The following TMEM132C variants were observed in gnomAD, a reference collection of about 807,000 sequenced individuals.
The protein encoded by TMEM132C is protein phosphatase 1, regulatory subunit 152.
TMEM132C carries 29 observed loss-of-function variants against 61.4 expected under a neutral mutation model. That is an observed-to-expected ratio of 0.47 (90% CI 0.35 to 0.64). TMEM132C has a LOEUF of 0.64. Among genes scored for constraint, TMEM132C ranks in the 30% least tolerant of loss-of-function variants. The pLI is 0.00. For synonymous variants in TMEM132C, 656 were observed against 633.1 expected (o/e 1.04, Z -0.54); for missense variants, 1,408 against 1,476.9 (o/e 0.95, Z 0.76).
In TMEM132C at chr12:128,415,692, T is replaced by C. The variant is rs1868758038; in HGVS notation, c.974+72T>C. On this transcript the variant is annotated intron_variant, in intron 2 of 8. Coordinates refer to ENST00000435159, the MANE Select transcript of TMEM132C (RefSeq NM_001136103.3). This position sits in a 1 kb window ranked among gnomAD's most constrained non-coding sequence, Gnocchi z 5.8. ...GAGACTGGGTTCCATGCGTGGCAGATAGATATTCAGGAAGCATCGATTTTC... is the reference window on the plus strand; with the variant it reads ...GAGACTGGGTTCCATGCGTGGCAGACAGATATTCAGGAAGCATCGATTTTC... The C allele has an allele frequency of 1.4e-6, 2 of 1,430,634 alleles. No homozygotes were observed. Among genetic ancestry groups the C allele is most frequent in the African/African-American group, 2.9e-5 (2 of 69,584 alleles). 88.6% of individuals were successfully genotyped at this position (1,430,634 alleles called of 1,614,324 possible). A position where few individuals can be genotyped will look rare whatever the true frequency, so the allele number is the denominator to read the frequency against.
At chr12:128,340,789 C>CTCTT (rs57723643) in intron 1 of TMEM132C, among the ~76,000 whole-genome samples, 17,157 of 130,654 alleles carry the variant, frequency 0.13, 3,123 homozygotes, top group African/African-American at 0.49. Flanking sequence ...CTTTCTCTCT[C>CTCTT]TCTCTCTCTC....
At chr12:128,450,875 G>A (rs1166051470) in intron 2 of TMEM132C, among the ~76,000 whole-genome samples, 7 of 152,100 alleles carry the variant, frequency 4.6e-5, no homozygotes, top group South Asian at 2.1e-4. Context: ...ATTAATTGGC[G>A]CATATGCCTC....
intron 2 of TMEM132C, among the ~76,000 whole-genome samples, chr12:128,539,773 TG>T (rs1873670736): frequency 2.0e-5 from 3 of 152,162 alleles, no homozygotes; most frequent in African/African-American, 7.2e-5. Flanking sequence ...TTCTTTCTGA[TG>T]GTTTTTTTCT....
chr12:128,348,668 C>T (rs910022740), intron 1 of TMEM132C, among the ~76,000 whole-genome samples: 1 of 152,208 alleles, frequency 6.6e-6, no homozygotes, highest in African/African-American at 2.4e-5. Context: ...AAACCTGAGG[C>T]TTATGCCAAA....
Position 128,683,879 on chromosome 12 carries a change from T to A in TMEM132C, c.1450-9950T>A, listed in dbSNP as rs978997321. On this transcript the variant is annotated intron_variant, in intron 5 of 8. Transcript: ENST00000435159. ...TACTTGGGAGGCTGAGCCAGGAGAA[T>A]CTCTTGAACCCAGAAGGCGGAGGTT... is the stretch of plus-strand genomic sequence containing the variant. Among the ~76,000 whole-genome samples, 4 of 152,112 alleles carry A rather than the reference T, an allele frequency of 2.6e-5. No homozygotes were observed. In the South Asian group the frequency reaches 8.3e-4, roughly 32 times the overall value.
chr12:128,348,331 G>A (rs1203427258), intron 1 of TMEM132C, among the ~76,000 whole-genome samples: 2 of 152,060 alleles, frequency 1.3e-5, no homozygotes, highest in Non-Finnish European at 2.9e-5. Flanking sequence ...TTTTCTTTAT[G>A]GATTCCTTAG....
Position 128,448,527 on chromosome 12 carries a change from A to G in TMEM132C, c.974+32907A>G, listed in dbSNP as rs1025811686. 1.8e-4 allele frequency among the ~76,000 whole-genome samples: 28 copies of G among 152,140 alleles called. 1 individual carries two copies. Among genetic ancestry groups the G allele is most frequent in the African/African-American group, 6.0e-4 (25 of 41,432 alleles). On this transcript the variant is annotated intron_variant, in intron 2 of 8. Transcript: ENST00000435159. Reference sequence around the variant, plus strand: ...CTGGGCTTGTTTGCATGGAAGTCCCAGGGCTCCAAGAGAAAGAGTCGAGCC... The same window carrying G: ...CTGGGCTTGTTTGCATGGAAGTCCCGGGGCTCCAAGAGAAAGAGTCGAGCC...
intron 1 of TMEM132C, among the ~76,000 whole-genome samples, chr12:128,387,318 C>T (rs1874617812): frequency 6.6e-6 from 1 of 152,074 alleles, no homozygotes. Flanking sequence ...GAGGTTGCCC[C>T]AGATCTGGGG....
At position 128,415,834 on chromosome 12, in the gene TMEM132C, G is replaced by T. The variant is rs188432088; in HGVS notation, c.974+214G>T. 6.6e-6 allele frequency among the ~76,000 whole-genome samples: 1 copy of T among 152,088 alleles called. No homozygotes were observed. The highest frequency in any genetic ancestry group is 2.4e-5 in the African/African-American group (1 of 41,432). On this transcript the variant is annotated intron_variant, in intron 2 of 8. Coordinates refer to ENST00000435159, the MANE Select transcript of TMEM132C (RefSeq NM_001136103.3). This position sits in a 1 kb window ranked among gnomAD's most constrained non-coding sequence, Gnocchi z 5.8. ...ATGGAGGGAAGAAGAGGCAAAGGGC[G>T]GGCAGAAATTATTTCCAAAAGGAGC...
intron 2 of TMEM132C, among the ~76,000 whole-genome samples, chr12:128,439,882 T>C (rs1179473614): frequency 2.0e-5 from 3 of 152,206 alleles, no homozygotes; most frequent in Non-Finnish European, 4.4e-5. Context: ...CCCAGCAGTC[T>C]GTGAGCCTCC....
At chr12:128,377,394 C>T (rs993098961) in intron 1 of TMEM132C, among the ~76,000 whole-genome samples, 1 of 152,092 alleles carries the variant, frequency 6.6e-6, no homozygotes, top group Non-Finnish European at 1.5e-5. Context: ...CTGTTTTTGC[C>T]TCAGCGGGCT....
intron 3 of TMEM132C, among the ~76,000 whole-genome samples, chr12:128,578,360 T>C (rs1044976898): frequency 2.0e-4 from 30 of 152,150 alleles, no homozygotes; most frequent in Non-Finnish European, 4.0e-4. Context: ...AATTCCTCCT[T>C]CACCAGCCCT....
chr12:128,680,668 G>C (rs1205189976), intron 5 of TMEM132C, among the ~76,000 whole-genome samples: 1 of 152,176 alleles, frequency 6.6e-6, no homozygotes, highest in Non-Finnish European at 1.5e-5. Flanking sequence ...CCTTTGACTG[G>C]TAGGAGCTAT....
chr12:128,573,759 A>G (rs1874988215), intron 3 of TMEM132C, among the ~76,000 whole-genome samples: 6 of 152,100 alleles, frequency 3.9e-5, no homozygotes, highest in Admixed American at 3.9e-4. Flanking sequence ...GGAGGATGAA[A>G]AAGTTCTTGA....
intron 1 of TMEM132C, among the ~76,000 whole-genome samples, chr12:128,410,573 T>G (rs1868502717): frequency 6.6e-6 from 1 of 152,008 alleles, no homozygotes; most frequent in African/African-American, 2.4e-5. Flanking sequence ...CCGCTGATTT[T>G]TTTTGTATTT....
At chr12:128,646,302 CCAT>C (rs1448049173) in intron 4 of TMEM132C, among the ~76,000 whole-genome samples, 19 of 151,596 alleles carry the variant, frequency 1.3e-4, no homozygotes, top group Non-Finnish European at 2.6e-4. Flanking sequence ...TCACTGGAGT[CCAT>C]CAGCGTTGGA....
At chr12:128,391,807 A>G (rs1405316493) in intron 1 of TMEM132C, among the ~76,000 whole-genome samples, 1 of 152,240 alleles carries the variant, frequency 6.6e-6, no homozygotes, top group Non-Finnish European at 1.5e-5. Flanking sequence ...CACAGACTTT[A>G]GACCAGGGGT....
In TMEM132C at chr12:128,278,105, A is replaced by G. The variant is rs1162763947; in HGVS notation, c.85+10618A>G. Among the ~76,000 whole-genome samples, 1 of 152,064 alleles carries G rather than the reference A, an allele frequency of 6.6e-6. No individual in the cohort carries two copies. Among genetic ancestry groups the G allele is most frequent in the African/African-American group, 2.4e-5 (1 of 41,400 alleles). ...AGTTGCTAAAGCCTGCCAGTTTCTC[A>G]TGCCGCAGCTGTATACGGTGACCCT... On this transcript the variant is annotated intron_variant, in intron 1 of 8. Coordinates refer to ENST00000435159, the MANE Select transcript of TMEM132C (RefSeq NM_001136103.3). This position sits in a 1 kb window ranked among gnomAD's most constrained non-coding sequence, Gnocchi z 4.2.
intron 1 of TMEM132C, among the ~76,000 whole-genome samples, chr12:128,306,376 T>C (rs540439783): frequency 6.6e-6 from 1 of 152,140 alleles, no homozygotes; most frequent in South Asian, 2.1e-4. Flanking sequence ...TAATTTTTTG[T>C]ATTTTTTAGT....
Sources: allele counts gnomAD v4.1 joint callset (sites outside exome capture counted in the v4.1 genomes callset), GRCh38; gene constraint gnomAD v4.1.1; non-coding constraint Gnocchi (gnomAD v3.1); transcripts MANE v1.5; gene names NCBI Gene and HGNC (gene_info 2026-07-23, HGNC 2026-07-21).